The following CDC37L1 variants were observed in gnomAD, a reference collection of about 807,000 sequenced individuals.
The protein encoded by CDC37L1 is hsp90 co-chaperone Cdc37-like 1.
CDC37L1 carries 32 observed loss-of-function variants against 45.9 expected under a neutral mutation model. That is an observed-to-expected ratio of 0.70 (90% confidence interval 0.53 to 0.94). CDC37L1 has a LOEUF of 0.94. CDC37L1 is among the 40% of genes least tolerant of loss of function. The pLI is 0.00. For missense variants in CDC37L1, 434 were observed against 405.7 expected (o/e 1.07, Z -0.60); for synonymous variants, 150 against 133.0 (o/e 1.13, Z -0.88).
chr9:4,705,295 A>G (rs1235311297), intron 6 of CDC37L1, among the ~76,000 whole-genome samples: 1 of 152,182 alleles, frequency 6.6e-6, no homozygotes, highest in African/African-American at 2.4e-5. Flanking sequence ...AGAATTTTCT[A>G]AAGTTCTGGG....
chr9:4,684,275 T>A (rs1396846355), intron 1 of CDC37L1, among the ~76,000 whole-genome samples: 2 of 152,068 alleles, frequency 1.3e-5, no homozygotes, highest in African/African-American at 4.8e-5. Context: ...AGAGCAAGAC[T>A]CCATCACAAA....
chr9:4,707,511 T>C lies in CDC37L1; in HGVS notation c.*1399T>C, dbSNP rs1434476559. On this transcript the variant is annotated 3_prime_UTR_variant, in exon 7 of 7. Coordinates refer to ENST00000381854, the MANE Select transcript of CDC37L1 (RefSeq NM_017913.4). ...ACCTTGGCCTCATTTGTATCTTGTT[T>C]TCGCTGAGGTGATCAGACACTTAGT... 6.6e-6 allele frequency: 1 copy of C among 152,196 alleles called. No homozygotes were observed. Among genetic ancestry groups the C allele is most frequent in the Non-Finnish European group, 1.5e-5 (1 of 68,028 alleles). The allele number at this position is 152,196 out of a possible 1,614,324, so 9.4% of individuals were successfully genotyped here.
At position 4,708,249 on chromosome 9, in the gene CDC37L1, A is replaced by G. The variant is rs1434167610; in HGVS notation, c.*2137A>G. 2.6e-5 allele frequency: 4 copies of G among 152,358 alleles called. No individual in the cohort carries two copies. The East Asian group carries it at 5.8e-4, about 22-fold the overall frequency. The allele number at this position is 152,358 out of a possible 1,614,324, so 9.4% of individuals were successfully genotyped here. ...AGTATATTAAGCAAAGGGATAATTTATATTTCAGGTTGGACAATTTACCCT... is the reference window on the plus strand; with the variant it reads ...AGTATATTAAGCAAAGGGATAATTTGTATTTCAGGTTGGACAATTTACCCT... On this transcript the variant is annotated 3_prime_UTR_variant, in exon 7 of 7. Coordinates refer to ENST00000381854, the MANE Select transcript of CDC37L1 (RefSeq NM_017913.4).
intron 1 of CDC37L1, among the ~76,000 whole-genome samples, chr9:4,684,110 C>G (rs1314797144): frequency 6.6e-6 from 1 of 151,934 alleles, no homozygotes; most frequent in Non-Finnish European, 1.5e-5. Context: ...ATGGTGAAAC[C>G]CTGTCTCTAC....
At chr9:4,697,967 A>T in intron 5 of CDC37L1, 88 bp downstream of exon 5, 6 of 1,180,294 alleles carry the variant, frequency 5.1e-6, no homozygotes, top group Non-Finnish European at 7.3e-6. Context: ...AAGGCATCCA[A>T]GCAGGATGCC....
chr9:4,689,508 T>G (rs961670738), intron 3 of CDC37L1, among the ~76,000 whole-genome samples: 13 of 152,110 alleles, frequency 8.5e-5, no homozygotes, highest in African/African-American at 3.1e-4. Flanking sequence ...ACTTTAAATT[T>G]TTTCCCTTCC....
chr9:4,702,102 T>C, intron 6 of CDC37L1, 74 bp downstream of exon 6: 1 of 589,258 alleles, frequency 1.7e-6, no homozygotes, highest in South Asian at 3.8e-5. Context: ...GCCCCACTCT[T>C]TTTTTTTTTT....
intron 2 of CDC37L1, 193 bp downstream of exon 2, chr9:4,685,351 G>A: frequency 2.0e-6 from 1 of 505,286 alleles, no homozygotes; most frequent in East Asian, 3.2e-5. Flanking sequence ...GCAGACTCCA[G>A]GCAGTTAAGT....
rs189906729 is a variant in CDC37L1 at position 4,686,426 on chromosome 9, C to T, written c.414+1268C>T. ...TCTTTATCTGAGTCATTTGCTATAT[C>T]TGTATATATTGTTTTAAGGGGTGCA... On this transcript the variant is annotated intron_variant, in intron 2 of 6. Coordinates refer to ENST00000381854, the MANE Select transcript of CDC37L1 (RefSeq NM_017913.4). Among the ~76,000 whole-genome samples the T allele has an allele frequency of 6.3e-3, 953 of 152,252 alleles. 11 individuals carry two copies. The highest frequency in any genetic ancestry group is 6.0e-3 in the Non-Finnish European group (411 of 68,014).
rs984185725 is a variant in CDC37L1, at chr9:4,679,639, G to A, written c.-129G>A. The A allele has an allele frequency of 2.5e-6, 2 of 816,100 alleles. No homozygotes were observed. The highest frequency in any genetic ancestry group is 2.1e-5 in the South Asian group (1 of 48,440). 50.6% of individuals were successfully genotyped at this position (816,100 alleles called of 1,614,324 possible). A position where few individuals can be genotyped will look rare whatever the true frequency, so the allele number is the denominator to read the frequency against. ...GCAGCGGCGTCGCGGCCAGTAGAGGGATTCTGGGTAACGGCCCGGACCCCC... is the reference window on the plus strand; with the variant it reads ...GCAGCGGCGTCGCGGCCAGTAGAGGAATTCTGGGTAACGGCCCGGACCCCC... On this transcript the variant is annotated 5_prime_UTR_variant, in exon 1 of 7. Coordinates refer to ENST00000381854, the MANE Select transcript of CDC37L1 (RefSeq NM_017913.4).
chr9:4,702,442 T>G (rs1042949545), intron 6 of CDC37L1, among the ~76,000 whole-genome samples: 1 of 152,214 alleles, frequency 6.6e-6, no homozygotes, highest in Admixed American at 6.5e-5. Flanking sequence ...ATCTGTTGCT[T>G]AAGTTTATTT....
At chr9:4,704,503 T>C (rs971286433) in intron 6 of CDC37L1, among the ~76,000 whole-genome samples, 5 of 152,214 alleles carry the variant, frequency 3.3e-5, no homozygotes, top group African/African-American at 1.2e-4. Context: ...GGAAGATGGG[T>C]GGATGAGTTT....
intron 5 of CDC37L1, among the ~76,000 whole-genome samples, chr9:4,699,960 G>T (rs1249924307): frequency 6.6e-6 from 1 of 151,692 alleles, no homozygotes; most frequent in Non-Finnish European, 1.5e-5. Flanking sequence ...GTACTACAAT[G>T]AACATTTCCT....
intron 6 of CDC37L1, 128 bp downstream of exon 6, chr9:4,702,156 T>A (rs3736839): frequency 8.7e-6 from 4 of 459,604 alleles, no homozygotes; most frequent in South Asian, 1.1e-4. Context: ...AGAAGATAAC[T>A]GTTGAATCTT....
At chr9:4,696,942 C>A (rs978832920) in intron 3 of CDC37L1, among the ~76,000 whole-genome samples, 154 bp from the exon 4 acceptor site, 4 of 152,156 alleles carry the variant, frequency 2.6e-5, no homozygotes, top group Non-Finnish European at 4.4e-5. Flanking sequence ...GCTCTTTTAC[C>A]ATAATCTGTT....
chr9:4,701,500 A>G (rs1032162648), intron 5 of CDC37L1, among the ~76,000 whole-genome samples: 3 of 152,242 alleles, frequency 2.0e-5, no homozygotes, highest in African/African-American at 7.2e-5. Flanking sequence ...GGTAGTAGGA[A>G]GAAGATAGAA....
At chr9:4,696,539 C>G (rs1238341897) in intron 3 of CDC37L1, among the ~76,000 whole-genome samples, 1 of 151,768 alleles carries the variant, frequency 6.6e-6, no homozygotes, top group Non-Finnish European at 1.5e-5. Flanking sequence ...TTATGACTGA[C>G]TGGACAACAT....
At chr9:4,681,536 CG>C (rs1462611746) in intron 1 of CDC37L1, among the ~76,000 whole-genome samples, 2 of 151,880 alleles carry the variant, frequency 1.3e-5, no homozygotes, top group African/African-American at 4.8e-5. Flanking sequence ...CCCAGCTACT[CG>C]GGAGGCTGAG....
At chr9:4,694,981 T>C (rs1247244100) in intron 3 of CDC37L1, among the ~76,000 whole-genome samples, 1 of 152,188 alleles carries the variant, frequency 6.6e-6, no homozygotes, top group Admixed American at 6.5e-5. Flanking sequence ...TGGATAAGGC[T>C]TTTGGTATTT....
Sources: gnomAD v4.1 joint callset for allele counts (sites outside exome capture counted in the v4.1 genomes callset) on GRCh38, gnomAD v4.1.1 for gene constraint, MANE v1.5 for transcripts, NCBI Gene and HGNC (gene_info 2026-07-23, HGNC 2026-07-21) for gene names.